The following ZNF469 variants were observed in gnomAD, a reference collection of about 807,000 sequenced individuals.
ZNF469 encodes the protein zinc finger protein 469.
A neutral mutation model predicts 1.0 loss-of-function variants in ZNF469; 1 was observed. The ratio of observed to expected loss-of-function variants is 1.00; its 90% confidence interval spans 0.35 to 4.73. ZNF469 has a LOEUF of 4.73. ZNF469 is among the 30% of genes most tolerant of loss of function. The probability of loss-of-function intolerance (pLI) is 0.16; values close to 1 mark genes in which losing one functional copy is unlikely to be tolerated. For missense variants in ZNF469, 6,100 were observed against 5,356.3 expected (o/e 1.14, Z -4.33); for synonymous variants, 2,703 against 2,363.4 (o/e 1.14, Z -4.17).
chr16:88,267,951 C>T, the ZNF469 span, among the ~76,000 whole-genome samples: 1 of 152,018 alleles, frequency 6.6e-6, no homozygotes, highest in African/African-American at 2.4e-5. Flanking sequence ...TCCCATGCCC[C>T]CCGGCAGCAA....
At chr16:88,325,138 G>A in the ZNF469 span, among the ~76,000 whole-genome samples, 3 of 147,194 alleles carry the variant, frequency 2.0e-5, no homozygotes, top group African/African-American at 7.6e-5. Flanking sequence ...CACACTCCAG[G>A]TGGTCCCGAC....
chr16:88,296,827 C>T, the ZNF469 span, among the ~76,000 whole-genome samples: 1 of 152,144 alleles, frequency 6.6e-6, no homozygotes, highest in East Asian at 1.9e-4. Context: ...TCACACATAC[C>T]ACGCACACAC....
At chr16:88,190,186 C>G in the ZNF469 span, among the ~76,000 whole-genome samples, 1 of 152,334 alleles carries the variant, frequency 6.6e-6, no homozygotes, top group African/African-American at 2.4e-5. Context: ...TCTCATTTTT[C>G]TGGGCAACTT....
the ZNF469 span, among the ~76,000 whole-genome samples, chr16:88,138,080 C>G: frequency 6.6e-6 from 1 of 152,200 alleles, no homozygotes; most frequent in Non-Finnish European, 1.5e-5. Flanking sequence ...GTGACATGGA[C>G]AGCAGAACTG....
the ZNF469 span, among the ~76,000 whole-genome samples, chr16:88,214,704 C>T: frequency 1.8e-4 from 27 of 152,122 alleles, no homozygotes; most frequent in Non-Finnish European, 3.7e-4. Flanking sequence ...CTCCCTGTGT[C>T]CATGCATTCT....
chr16:88,240,595 C>T, the ZNF469 span, among the ~76,000 whole-genome samples: 1 of 152,092 alleles, frequency 6.6e-6, no homozygotes, highest in South Asian at 2.1e-4. Context: ...GCGAGAGAAG[C>T]GTCTCTGGAG....
chr16:88,168,920 AC>A, the ZNF469 span, among the ~76,000 whole-genome samples: 1,054 of 150,416 alleles, frequency 7.0e-3, 17 homozygotes, highest in African/African-American at 0.025. The surrounding 1 kb of genome is among the most constrained non-coding windows in gnomAD (Gnocchi z 4.3). Context: ...ACATAGTGAG[AC>A]CCCCCCCTCT....
At chr16:88,172,843 C>A in the ZNF469 span, among the ~76,000 whole-genome samples, 2 of 152,084 alleles carry the variant, frequency 1.3e-5, no homozygotes, top group Non-Finnish European at 2.9e-5. Flanking sequence ...ATGGGATTCA[C>A]AGAATAGAAG....
intron 1 of ZNF469, among the ~76,000 whole-genome samples, chr16:88,400,743 GTC>G (rs1291400395): frequency 6.6e-6 from 1 of 152,066 alleles, no homozygotes; most frequent in Non-Finnish European, 1.5e-5. Flanking sequence ...CAGCCTGTGG[GTC>G]CGCAAACAGT....
chr16:88,373,460 C>T, the ZNF469 span, among the ~76,000 whole-genome samples: 22 of 152,274 alleles, frequency 1.4e-4, no homozygotes, highest in South Asian at 6.2e-4. Context: ...GGGGAGGCCA[C>T]GCAGAACAGA....
In ZNF469 at chr16:88,430,563, C is replaced by G. The variant is rs1474692668; in HGVS notation, c.3093C>G (p.Pro1031=). 6.7e-7 allele frequency: 1 copy of G among 1,487,682 alleles called. No individual in the cohort carries two copies. Among genetic ancestry groups the G allele is most frequent in the African/African-American group, 1.5e-5 (1 of 68,482 alleles). The allele number at this position is 1,487,682 out of a possible 1,614,324, so 92.2% of individuals were successfully genotyped here. A position where few individuals can be genotyped will look rare whatever the true frequency, so the allele number is the denominator to read the frequency against. The change falls in exon 3 of 3, where the codon CCC becomes CCG. Residue 1031 remains proline, a synonymous_variant. Coordinates refer to ENST00000565624, the MANE Select transcript of ZNF469 (RefSeq NM_001367624.2). ...GCAGCTCCCGGCGCCGCCGGCTGCC[C>G]CCCAGGAAGGACCCCAGGAAGAGGA... ...ETRSSRRRRL[P]PRKDPRKRKA... is the part of the protein sequence containing the mutation.
the ZNF469 span, among the ~76,000 whole-genome samples, chr16:88,130,005 T>C: frequency 5.9e-5 from 9 of 152,362 alleles, no homozygotes; most frequent in East Asian, 1.7e-3. Context: ...GTCCTGGTCC[T>C]GTGGTGGCAG....
At chr16:88,362,933 C>G in the ZNF469 span, among the ~76,000 whole-genome samples, 1 of 152,174 alleles carries the variant, frequency 6.6e-6, no homozygotes, top group African/African-American at 2.4e-5. Context: ...AAACCACGTC[C>G]ATTAATCTAT....
At chr16:88,414,677 C>T (rs950381981) in intron 1 of ZNF469, among the ~76,000 whole-genome samples, 1 of 152,254 alleles carries the variant, frequency 6.6e-6, no homozygotes, top group South Asian at 2.1e-4. Context: ...CTCCTGCTCT[C>T]GAGAACAGGC....
the ZNF469 span, among the ~76,000 whole-genome samples, chr16:88,109,407 G>A: frequency 6.6e-6 from 1 of 152,242 alleles, no homozygotes; most frequent in Admixed American, 6.5e-5. Context: ...TGGGACCCAG[G>A]CATGAGGCTT....
At chr16:88,251,514 G>A in the ZNF469 span, among the ~76,000 whole-genome samples, 1 of 136,496 alleles carries the variant, frequency 7.3e-6, no homozygotes, top group African/African-American at 2.8e-5. Flanking sequence ...CATCTCTGTG[G>A]TAAGCAGCTA....
the ZNF469 span, among the ~76,000 whole-genome samples, chr16:88,368,951 C>A: frequency 6.6e-6 from 1 of 152,128 alleles, no homozygotes; most frequent in African/African-American, 2.4e-5. Context: ...TGCTGGCGGT[C>A]ACCTGTAATC....
At chr16:88,407,499 G>C (rs994156769) in intron 1 of ZNF469, among the ~76,000 whole-genome samples, 4 of 152,258 alleles carry the variant, frequency 2.6e-5, no homozygotes, top group African/African-American at 9.6e-5. Flanking sequence ...GAAATCACCA[G>C]GTGTCGGACA....
rs758683459 is a variant in ZNF469, at chr16:88,440,634, T to C, written c.*1302T>C. 1.1e-4 allele frequency: 16 copies of C among 152,290 alleles called. No individual in the cohort carries two copies. Among genetic ancestry groups the C allele is most frequent in the Admixed American group, 4.6e-4 (7 of 15,304 alleles). The allele number at this position is 152,290 out of a possible 1,614,324, so 9.4% of individuals were successfully genotyped here. Reference sequence around the variant, plus strand: ...CAGACCGCCTCTCTGGAAGGTGTTGTAGGCCATTCAAAACGCCTCCGGAGT... The same window carrying C: ...CAGACCGCCTCTCTGGAAGGTGTTGCAGGCCATTCAAAACGCCTCCGGAGT... On this transcript the variant is annotated 3_prime_UTR_variant, in exon 3 of 3. Coordinates refer to ENST00000565624, the MANE Select transcript of ZNF469 (RefSeq NM_001367624.2).
Sources: allele counts gnomAD v4.1 joint callset (sites outside exome capture counted in the v4.1 genomes callset), GRCh38; gene constraint gnomAD v4.1.1; non-coding constraint Gnocchi (gnomAD v3.1); transcripts MANE v1.5; gene names NCBI Gene and HGNC (gene_info 2026-07-23, HGNC 2026-07-21).